The following PRKG1 variants were observed in gnomAD, a reference collection of about 807,000 sequenced individuals.
PRKG1 encodes protein kinase cGMP-dependent 1.
Under a neutral mutation model 88.1 loss-of-function variants are expected in PRKG1, and 35 were observed. The ratio of observed to expected loss-of-function variants is 0.40; its 90% CI spans 0.30 to 0.53. The LOEUF is 0.53. PRKG1 is among the 20% of genes least tolerant of loss of function. The probability of loss-of-function intolerance (pLI) is 0.59; values close to 1 mark genes in which losing one functional copy is unlikely to be tolerated. For missense variants in PRKG1, 540 were observed against 839.8 expected (o/e 0.64, Z 4.41); for synonymous variants, 303 against 292.5 (o/e 1.04, Z -0.37).
At chr10:51,406,597 G>C (rs1837924133) in intron 2 of PRKG1, among the ~76,000 whole-genome samples, 1 of 148,668 alleles carries the variant, frequency 6.7e-6, no homozygotes, top group Non-Finnish European at 1.5e-5. Flanking sequence ...TAGGCTTCTT[G>C]GCAAGAAAAT....
chr10:51,493,224 A>AT (rs756517857), intron 3 of PRKG1, among the ~76,000 whole-genome samples: 15 of 152,148 alleles, frequency 9.9e-5, no homozygotes, highest in Non-Finnish European at 2.2e-4. Flanking sequence ...AGGATTAGCA[A>AT]TTTTTTAATC....
intron 3 of PRKG1, among the ~76,000 whole-genome samples, chr10:51,530,995 A>G (rs756045792): frequency 6.6e-6 from 1 of 152,172 alleles, no homozygotes; most frequent in Non-Finnish European, 1.5e-5. Context: ...TGAGTCAGTG[A>G]GCACAGGGCC....
In PRKG1 at chr10:52,003,197, C is replaced by T. The variant is rs116943652; in HGVS notation, c.763-51287C>T. Among the ~76,000 whole-genome samples, 101 of 152,266 alleles carry T rather than the reference C, an allele frequency of 6.6e-4. No homozygotes were observed. The East Asian group carries it at 0.017, about 26-fold the overall frequency. ...TTAAGAGATAGGATCTTGGCTGTGCCACTAATTAACTGGTGCCCTTAAGAA... is the reference window on the plus strand; with the variant it reads ...TTAAGAGATAGGATCTTGGCTGTGCTACTAATTAACTGGTGCCCTTAAGAA... On this transcript the variant is annotated intron_variant, in intron 5 of 17. Transcript: ENST00000373980.
chr10:52,151,203 A>G (rs1837904790), intron 8 of PRKG1, among the ~76,000 whole-genome samples: 4 of 152,066 alleles, frequency 2.6e-5, no homozygotes. Flanking sequence ...CTAGTACCCA[A>G]TAGTTATTTT....
intron 4 of PRKG1, among the ~76,000 whole-genome samples, chr10:51,870,711 A>G (rs1423215057): frequency 1.3e-5 from 2 of 152,138 alleles, no homozygotes; most frequent in African/African-American, 4.8e-5. Flanking sequence ...CCCACTGCCT[A>G]CAAATAAAAT....
chr10:51,414,349 G>C lies in PRKG1; in HGVS notation c.479-53374G>C, dbSNP rs916714111. Among the ~76,000 whole-genome samples the C allele has an allele frequency of 1.1e-4, 17 of 152,306 alleles. No homozygotes were observed. In the East Asian group the frequency reaches 3.3e-3, roughly 29 times the overall value. ...CTGAAGAGAGGCAAAAATAACCACT[G>C]CTGGATTTGTAATCTTGACCAGGTG... On this transcript the variant is annotated intron_variant, in intron 2 of 17. Coordinates refer to ENST00000373980, the MANE Select transcript of PRKG1 (RefSeq NM_006258.4).
chr10:52,242,882 G>A (rs568113002), intron 9 of PRKG1, among the ~76,000 whole-genome samples: 4 of 150,294 alleles, frequency 2.7e-5, no homozygotes, highest in Admixed American at 6.7e-5. Flanking sequence ...AGTGACAGAC[G>A]GAGACTCAGT....
chr10:51,621,025 A>G (rs1349951018), intron 3 of PRKG1, among the ~76,000 whole-genome samples: 1 of 146,816 alleles, frequency 6.8e-6, no homozygotes, highest in Non-Finnish European at 1.5e-5. Flanking sequence ...ATATATATAT[A>G]TATATATGAC....
In PRKG1 at chr10:51,160,875, CGTGT is replaced by C. The variant is rs71459406; in HGVS notation, c.478+7562_478+7565del. Among the ~76,000 whole-genome samples the C allele has an allele frequency of 3.2e-3, 473 of 150,068 alleles. 1 individual carries two copies. Among genetic ancestry groups the C allele is most frequent in the Non-Finnish European group, 4.5e-3 (303 of 67,390 alleles). On this transcript the variant is annotated intron_variant, in intron 2 of 17. Transcript: ENST00000373980. Reference sequence around the variant, plus strand: ...CCTCTTAACCAGTGTTCTTCATGCTCGTGTGTGTGTGTGTGTGTGTCTGTGTGTG... The same window carrying C: ...CCTCTTAACCAGTGTTCTTCATGCTCGTGTGTGTGTGTGTGTCTGTGTGTG...
chr10:51,235,804 A>C (rs1456793256), intron 2 of PRKG1, among the ~76,000 whole-genome samples: 7 of 152,206 alleles, frequency 4.6e-5, no homozygotes, highest in African/African-American at 1.4e-4. Context: ...AAACCAGGAA[A>C]GTATGTAAAG....
chr10:52,187,267 T>G (rs1334034766), intron 9 of PRKG1, among the ~76,000 whole-genome samples: 2 of 152,162 alleles, frequency 1.3e-5, no homozygotes, highest in East Asian at 3.8e-4. Context: ...GACTGGCATT[T>G]TTTTACATTA....
chr10:51,074,454 G>A, upstream of PRKG1: 1 of 1,458,636 alleles, frequency 6.9e-7, no homozygotes, highest in Non-Finnish European at 9.1e-7. Flanking sequence ...CAGAAGCCAG[G>A]GCTGGCTTTG....
intron 5 of PRKG1, among the ~76,000 whole-genome samples, chr10:51,948,028 A>G (rs1843093284): frequency 6.6e-6 from 1 of 152,148 alleles, no homozygotes; most frequent in South Asian, 2.1e-4. Context: ...TTGGTTTCTT[A>G]TATTTATTAT....
In PRKG1 at chr10:52,062,720, T is replaced by G. The variant is rs1256164571; in HGVS notation, c.935+89T>G. On this transcript the variant is annotated intron_variant, in intron 7 of 17. Transcript: ENST00000373980. ...TTGAGCTCCTAGCACAATAGGCTTT[T>G]TATTTAGTGCTTATCTCAATATCAA... 1.4e-5 allele frequency: 12 copies of G among 888,300 alleles called. No homozygotes were observed. The African/African-American group carries it at 1.7e-4, about 12-fold the overall frequency. The allele number at this position is 888,300 out of a possible 1,614,324, so 55.0% of individuals were successfully genotyped here.
At chr10:51,790,477 A>G (rs1195463950) in intron 3 of PRKG1, among the ~76,000 whole-genome samples, 1 of 152,192 alleles carries the variant, frequency 6.6e-6, no homozygotes, top group Non-Finnish European at 1.5e-5. Flanking sequence ...TTCCTAAAAG[A>G]GAATAATGGA....
At chr10:51,104,747 G>A (rs1844786022) in intron 1 of PRKG1, among the ~76,000 whole-genome samples, 1 of 100,350 alleles carries the variant, frequency 1.0e-5, no homozygotes, top group African/African-American at 3.8e-5. Flanking sequence ...TATTTATTTT[G>A]TGATGGAGTT....
chr10:51,948,458 T>C (rs1843105642), intron 5 of PRKG1, among the ~76,000 whole-genome samples: 4 of 152,056 alleles, frequency 2.6e-5, no homozygotes, highest in Admixed American at 2.6e-4. Context: ...AAAAATATAC[T>C]GCAAGGGATA....
intron 8 of PRKG1, among the ~76,000 whole-genome samples, chr10:52,148,587 T>C (rs1199637672): frequency 2.0e-5 from 3 of 152,190 alleles, no homozygotes; most frequent in African/African-American, 7.2e-5. Context: ...GGAAGAAATG[T>C]GTGTCACATA....
chr10:51,131,017 T>C (rs1267123492), intron 1 of PRKG1, among the ~76,000 whole-genome samples: 1 of 152,200 alleles, frequency 6.6e-6, no homozygotes, highest in Non-Finnish European at 1.5e-5. Context: ...AAAATGAGTT[T>C]TATTAAAGTC....
Sources: allele counts gnomAD v4.1 joint callset (sites outside exome capture counted in the v4.1 genomes callset), GRCh38; gene constraint gnomAD v4.1.1; transcripts MANE v1.5; gene names NCBI Gene and HGNC (gene_info 2026-07-23, HGNC 2026-07-21).